The following NUDT5 variants were observed in gnomAD, a reference collection of about 807,000 sequenced individuals.
NUDT5 encodes the protein ADP-sugar pyrophosphatase.
NUDT5 carries 21 observed loss-of-function variants against 34.1 expected under a neutral mutation model. The ratio of observed to expected loss-of-function variants is 0.62; its 90% CI spans 0.44 to 0.89. The LOEUF is 0.89. Among genes scored for constraint, NUDT5 ranks in the 40% least tolerant of loss-of-function variants. The probability of loss-of-function intolerance (pLI) is 0.00; values close to 1 mark genes in which losing one functional copy is unlikely to be tolerated. For missense variants in NUDT5, 249 were observed against 274.8 expected (o/e 0.91, Z 0.66); for synonymous variants, 85 against 97.6 (o/e 0.87, Z 0.76).
chr10:12,190,124 C>T (rs573194463), intron 1 of NUDT5, among the ~76,000 whole-genome samples: 1 of 152,146 alleles, frequency 6.6e-6, no homozygotes, highest in African/African-American at 2.4e-5. Context: ...CTCCTGACCT[C>T]GTGATCCACC....
Position 12,173,806 on chromosome 10 carries a change from T to C in NUDT5, c.297A>G (p.Ile99Met), listed in dbSNP as rs776819700. The C allele has an allele frequency of 1.2e-6, 2 of 1,612,568 alleles. No homozygotes were observed. The highest frequency in any genetic ancestry group is 3.3e-5 in the Admixed American group (2 of 59,998). Residue 99 changes from isoleucine (I) to methionine (M), a missense_variant, in exon 6 of 10, where the codon ATA becomes ATG. Transcript: ENST00000491614. This position sits in a 1 kb window ranked among gnomAD's most constrained non-coding sequence, Gnocchi z 4.7. ...GYCIEFPAGL[I>M]DDGETPEAAA... ...CTGCTTCTGGGGTTTCACCATCATC[T>C]ATGAGACCTGCAAGTCCAAATCATT... is the stretch of plus-strand genomic sequence containing the variant.
At chr10:12,193,635 T>C (rs1030862117) in intron 1 of NUDT5, among the ~76,000 whole-genome samples, 6 of 152,228 alleles carry the variant, frequency 3.9e-5, no homozygotes, top group Non-Finnish European at 2.9e-5. Context: ...GCATCTCCTA[T>C]GTATAATGTC....
chr10:12,167,454 T>TA lies in NUDT5; in HGVS notation c.*247dup, dbSNP rs948905451. ...GCTGTAGTTAACTGCTGTTGAGCTT[T>TA]AAAAAAATTGGAGTAAACATACTTG... On this transcript the variant is annotated 3_prime_UTR_variant, in exon 10 of 10. Coordinates refer to ENST00000491614, the MANE Select transcript of NUDT5 (RefSeq NM_014142.4). 14 of 396,598 alleles carry TA rather than the reference T, an allele frequency of 3.5e-5. No homozygotes were observed. The highest frequency in any genetic ancestry group is 2.8e-4 in the African/African-American group (13 of 47,252). 24.6% of individuals were successfully genotyped at this position (396,598 alleles called of 1,614,324 possible).
At chr10:12,195,673 G>T (rs1438929024) in intron 1 of NUDT5, 97 bp downstream of exon 1, 1 of 152,876 alleles carries the variant, frequency 6.5e-6, no homozygotes, top group Non-Finnish European at 1.5e-5. Flanking sequence ...GAGACACCGC[G>T]CGGCTGCACG....
intron 1 of NUDT5, among the ~76,000 whole-genome samples, chr10:12,189,376 G>A (rs1172676091): frequency 6.6e-6 from 1 of 152,148 alleles, no homozygotes; most frequent in Non-Finnish European, 1.5e-5. Flanking sequence ...AAAGTGCTGG[G>A]ATTACAGGCG....
chr10:12,169,445 G>A lies in NUDT5; in HGVS notation c.550+1272C>T, dbSNP rs1025271758. 3.5e-5 allele frequency: 25 copies of A among 710,106 alleles called. No homozygotes were observed. The African/African-American group carries it at 4.5e-4, about 13-fold the overall frequency. 44.0% of individuals were successfully genotyped at this position (710,106 alleles called of 1,614,324 possible). ...ATGAAAAAAGCCGAGAGAGGCTACAGAACCTGTTTGATGTGATAGCTAATT... is the reference window on the plus strand; with the variant it reads ...ATGAAAAAAGCCGAGAGAGGCTACAAAACCTGTTTGATGTGATAGCTAATT... On this transcript the variant is annotated intron_variant, in intron 9 of 9. Transcript: ENST00000491614. This position sits in a 1 kb window ranked among gnomAD's most constrained non-coding sequence, Gnocchi z 4.8.
rs1834660578 is a variant in NUDT5 at position 12,165,736 on chromosome 10, G to A, written c.*1966C>T. On this transcript the variant is annotated 3_prime_UTR_variant, in exon 10 of 10. Transcript: ENST00000491614. Reference sequence around the variant, plus strand: ...CTTTTCAGAAGTATGGGTTTTCATTGCTGTTTAGTTTCTTAGGTGTGGTAT... The same window carrying A: ...CTTTTCAGAAGTATGGGTTTTCATTACTGTTTAGTTTCTTAGGTGTGGTAT... 6.6e-6 allele frequency: 1 copy of A among 152,120 alleles called. No individual in the cohort carries two copies. The highest frequency in any genetic ancestry group is 1.5e-5 in the Non-Finnish European group (1 of 68,030). 9.4% of individuals were successfully genotyped at this position (152,120 alleles called of 1,614,324 possible).
chr10:12,176,819 T>TG (rs1201091130), intron 5 of NUDT5, among the ~76,000 whole-genome samples: 2 of 152,064 alleles, frequency 1.3e-5, no homozygotes, highest in African/African-American at 4.8e-5. Flanking sequence ...TCACATTTCT[T>TG]GGAGTTAAGA....
chr10:12,184,610 TA>T (rs1340941395), intron 3 of NUDT5: 7 of 1,343,180 alleles, frequency 5.2e-6, no homozygotes, highest in Non-Finnish European at 7.1e-6. Context: ...CTTATCAGCT[TA>T]AATTAGGTTT....
intron 1 of NUDT5, among the ~76,000 whole-genome samples, chr10:12,188,636 G>GA (rs1835167337): frequency 6.6e-6 from 1 of 150,894 alleles, no homozygotes; most frequent in South Asian, 2.1e-4. Context: ...AAGGCTGAGG[G>GA]AGGAGAATGG....
At chr10:12,186,145 C>A in intron 2 of NUDT5, 84 bp downstream of exon 2, 1 of 1,055,344 alleles carries the variant, frequency 9.5e-7, no homozygotes, top group Non-Finnish European at 1.4e-6. Flanking sequence ...AATGAAAGAC[C>A]ACCATTGTAA....
At chr10:12,178,098 T>C (rs1834985204) in intron 4 of NUDT5, among the ~76,000 whole-genome samples, 198 bp from the exon 5 acceptor site, 1 of 151,912 alleles carries the variant, frequency 6.6e-6, no homozygotes, top group Non-Finnish European at 1.5e-5. Context: ...CTTTCTTTTT[T>C]AAACAAAAAG....
chr10:12,193,400 T>A (rs1019417496), intron 1 of NUDT5, among the ~76,000 whole-genome samples: 2 of 152,204 alleles, frequency 1.3e-5, no homozygotes, highest in African/African-American at 4.8e-5. Context: ...GAAAGAAATG[T>A]GTTTTTTCAT....
intron 1 of NUDT5, among the ~76,000 whole-genome samples, chr10:12,195,331 G>T (rs1163783286): frequency 1.3e-5 from 2 of 152,110 alleles, no homozygotes; most frequent in African/African-American, 4.8e-5. Context: ...AAAAATCTGC[G>T]TTTTTTCCAG....
intron 1 of NUDT5, among the ~76,000 whole-genome samples, chr10:12,188,533 C>T (rs1479745008): frequency 2.6e-5 from 4 of 151,966 alleles, no homozygotes; most frequent in Non-Finnish European, 5.9e-5. Flanking sequence ...GAGATGGAGA[C>T]CATCCTGGCC....
rs1330255776 is a variant in NUDT5, at chr10:12,170,685, A to C, written c.550+32T>G. ...CTGGGATGGGGACGGGGAGAACTGGAGAAACTGGGTGGCGGTCTGGAGAAT... is the reference window on the plus strand; with the variant it reads ...CTGGGATGGGGACGGGGAGAACTGGCGAAACTGGGTGGCGGTCTGGAGAAT... On this transcript the variant is annotated intron_variant, in intron 9 of 9. Transcript: ENST00000491614. The surrounding 1 kb of genome is among the most constrained non-coding windows in gnomAD (Gnocchi z 4.9). 1.2e-6 allele frequency: 2 copies of C among 1,608,206 alleles called. No individual in the cohort carries two copies. The highest frequency in any genetic ancestry group is 1.7e-6 in the Non-Finnish European group (2 of 1,175,830).
intron 1 of NUDT5, among the ~76,000 whole-genome samples, chr10:12,192,252 C>T (rs553039655): frequency 4.0e-5 from 6 of 151,060 alleles, no homozygotes; most frequent in South Asian, 4.2e-4. Context: ...TGCAGTGAGC[C>T]GAGATCATGC....
At position 12,173,975 on chromosome 10, in the gene NUDT5, C is replaced by T. The variant is rs1349701643; in HGVS notation, c.290-162G>A. Among the ~76,000 whole-genome samples, 1 of 151,454 alleles carries T rather than the reference C, an allele frequency of 6.6e-6. No homozygotes were observed. Among genetic ancestry groups the T allele is most frequent in the Non-Finnish European group, 1.5e-5 (1 of 67,906 alleles). On this transcript the variant is annotated intron_variant, in intron 5 of 9. Transcript: ENST00000491614. The surrounding 1 kb of genome is among the most constrained non-coding windows in gnomAD (Gnocchi z 4.7). ...TCCGCCCGTCCAGGTTTAAGCAATT[C>T]TCTGCTTCAGCCTCCAGAGTAGCTG...
chr10:12,188,728 T>TAA (rs1230471724), intron 1 of NUDT5, among the ~76,000 whole-genome samples: 10,980 of 74,406 alleles, frequency 0.15, 1,589 homozygotes, highest in African/African-American at 0.26. Context: ...AGACTCCATC[T>TAA]AAAAAAAAAA....
Sources: gnomAD v4.1 joint callset for allele counts (sites outside exome capture counted in the v4.1 genomes callset) on GRCh38, gnomAD v4.1.1 for gene constraint, Gnocchi (gnomAD v3.1) non-coding constraint, MANE v1.5 for transcripts, NCBI Gene and HGNC (gene_info 2026-07-23, HGNC 2026-07-21) for gene names.